The following SCNN1G variants were observed in gnomAD, a reference collection of about 807,000 sequenced individuals.
SCNN1G encodes sodium channel epithelial 1 subunit gamma, also known as epithelial sodium channel subunit gamma.
In SCNN1G, 27 loss-of-function variants were observed where a neutral mutation model predicts 64.6. The observed-to-expected ratio is 0.42, with a 90% CI of 0.31 to 0.58. The LOEUF (loss-of-function observed/expected upper bound fraction) is 0.58. SCNN1G is among the 20% of genes least tolerant of loss of function. The probability of loss-of-function intolerance (pLI) is 0.18; values close to 1 mark genes in which losing one functional copy is unlikely to be tolerated. For synonymous variants in SCNN1G, 330 were observed against 314.2 expected, an observed-to-expected ratio of 1.05 and a Z score of -0.53; for missense variants, 743 against 823.4, an observed-to-expected ratio of 0.90 and a Z score of 1.19.
At position 23,215,375 on chromosome 16, in the gene SCNN1G, T is replaced by A. The variant is rs1430760332; in HGVS notation, c.1856T>A (p.Val619Glu). ...LHLPPALGTQ[V>E]PGTPPPKYNT... is the part of the protein sequence containing the mutation. ...CTGCCTCCAGCCCTAGGAACCCAAG[T>A]GCCCGGCACACCGCCCCCCAAATAC... is the stretch of plus-strand genomic sequence containing the variant. Residue 619 changes from valine (V) to glutamate (E), a missense_variant, in exon 13 of 13, where the codon GTG (valine) becomes GAG (glutamate). Coordinates refer to ENST00000300061, the MANE Select transcript of SCNN1G (RefSeq NM_001039.4). The A allele has an allele frequency of 6.2e-7, 1 of 1,614,126 alleles. No homozygotes were observed. The highest frequency in any genetic ancestry group is 2.2e-5 in the East Asian group (1 of 44,858).
At chr16:23,192,870 A>G (rs944368958) in intron 4 of SCNN1G, among the ~76,000 whole-genome samples, 4 of 151,718 alleles carry the variant, frequency 2.6e-5, no homozygotes, top group Admixed American at 6.6e-5. Context: ...GGAGTTCAAG[A>G]CCAGCCTGGC....
intron 6 of SCNN1G, among the ~76,000 whole-genome samples, chr16:23,208,932 G>C (rs776563899): frequency 1.3e-5 from 2 of 151,772 alleles, no homozygotes; most frequent in African/African-American, 4.8e-5. Flanking sequence ...CTCCTCCCAC[G>C]TCCCAGTGGA....
At chr16:23,189,347 G>C in intron 2 of SCNN1G, 24 bp from the exon 3 acceptor site, 1 of 1,611,368 alleles carries the variant, frequency 6.2e-7, no homozygotes, top group Non-Finnish European at 8.5e-7. Flanking sequence ...CCCTCTCCCT[G>C]ACTTTTCCTC....
At chr16:23,204,310 T>TATATATATATACAC (rs1959945557) in intron 6 of SCNN1G, among the ~76,000 whole-genome samples, 2 of 75,596 alleles carry the variant, frequency 2.6e-5, no homozygotes, top group African/African-American at 4.9e-5. Flanking sequence ...TATATATATA[T>TATATATATATACAC]ATATATATAT....
At chr16:23,184,091 A>T (rs1038930684) in intron 1 of SCNN1G, among the ~76,000 whole-genome samples, 2 of 152,208 alleles carry the variant, frequency 1.3e-5, no homozygotes, top group African/African-American at 4.8e-5. Flanking sequence ...AGGCTGCATA[A>T]TCTAATGGTA....
chr16:23,205,869 G>T (rs1959981993), intron 6 of SCNN1G, among the ~76,000 whole-genome samples: 1 of 152,120 alleles, frequency 6.6e-6, no homozygotes. Context: ...GGAAAGAAAA[G>T]CCCCCCACCC....
In SCNN1G at chr16:23,189,443, C is replaced by T; in HGVS notation, c.390C>T (p.Gly130=). The T allele has an allele frequency of 6.2e-7, 1 of 1,614,180 alleles. No individual in the cohort carries two copies. The highest frequency in any genetic ancestry group is 8.5e-7 in the Non-Finnish European group (1 of 1,180,026). The change falls in exon 3 of 13, where the codon GGC becomes GGT. Residue 130 remains glycine, a synonymous_variant. Coordinates refer to ENST00000300061, the MANE Select transcript of SCNN1G (RefSeq NM_001039.4). ...ETREALKSLY[G]FPESRKRREA... is the part of the protein sequence containing the mutation. ...GAGAGGCCCTGAAGTCCCTGTATGG[C>T]TTTCCAGAGTCCCGGAAGCGCCGAG... is the stretch of plus-strand genomic sequence containing the variant.
At chr16:23,214,659 T>A in intron 11 of SCNN1G, 53 bp from the exon 12 acceptor site, 1 of 1,397,176 alleles carries the variant, frequency 7.2e-7, no homozygotes, top group Non-Finnish European at 1.0e-6. Flanking sequence ...TGCTGAGGAC[T>A]GGTAATCTGG....
intron 1 of SCNN1G, 50 bp downstream of exon 1, chr16:23,182,863 G>C (rs982532201): frequency 6.6e-6 from 1 of 152,470 alleles, no homozygotes; most frequent in Non-Finnish European, 1.5e-5. Context: ...CTGGGCACTG[G>C]AGCGGATGCC....
At chr16:23,188,928 C>A (rs1305415225) in intron 2 of SCNN1G, among the ~76,000 whole-genome samples, 8 of 152,120 alleles carry the variant, frequency 5.3e-5, no homozygotes, top group Admixed American at 3.3e-4. Context: ...TCCTTCCCCC[C>A]AGCACAGATT....
At position 23,192,613 on chromosome 16, in the gene SCNN1G, C is replaced by T. The variant is rs72646502; in HGVS notation, c.809+71C>T. On this transcript the variant is annotated intron_variant, in intron 4 of 12. Coordinates refer to ENST00000300061, the MANE Select transcript of SCNN1G (RefSeq NM_001039.4). Reference sequence around the variant, plus strand: ...CTGAGTACCAGGCCCCTTGCAGGAACCTACAGCCTTGATGATAGGTCTTGG... The same window carrying T: ...CTGAGTACCAGGCCCCTTGCAGGAATCTACAGCCTTGATGATAGGTCTTGG... The T allele has an allele frequency of 2.7e-3, 3,449 of 1,285,854 alleles. 9 individuals are homozygous for T. Among genetic ancestry groups the T allele is most frequent in the Middle Eastern group, 7.9e-3 (31 of 3,900 alleles). 79.7% of individuals were successfully genotyped at this position (1,285,854 alleles called of 1,614,324 possible). A position where few individuals can be genotyped will look rare whatever the true frequency, so the allele number is the denominator to read the frequency against.
At chr16:23,183,709 G>C (rs939070451) in intron 1 of SCNN1G, among the ~76,000 whole-genome samples, 1 of 152,180 alleles carries the variant, frequency 6.6e-6, no homozygotes, top group Non-Finnish European at 1.5e-5. Context: ...CTGTAGTGAG[G>C]ATTAAATCAG....
intron 6 of SCNN1G, among the ~76,000 whole-genome samples, chr16:23,198,598 C>T (rs1362050879): frequency 6.6e-6 from 1 of 151,070 alleles, no homozygotes; most frequent in Non-Finnish European, 1.5e-5. Context: ...AATCACCAGG[C>T]ATGGTGGCAC....
rs762925432 is a variant in SCNN1G, at chr16:23,186,526, C to A, written c.255C>A (p.Ile85=). ...VFSFYTVSVS[I]KVHFRKLDFP... Reference sequence around the variant, plus strand: ...CCTTCTATACTGTCTCAGTTTCCATCAAAGTCCACTTCCGGAAGCTGGATT... The same window carrying A: ...CCTTCTATACTGTCTCAGTTTCCATAAAAGTCCACTTCCGGAAGCTGGATT... The change falls in exon 2 of 13, where the codon ATC becomes ATA. Residue 85 remains isoleucine, a synonymous_variant. Transcript: ENST00000300061. The A allele has an allele frequency of 1.2e-6, 2 of 1,613,874 alleles. No individual in the cohort carries two copies. Among genetic ancestry groups the A allele is most frequent in the Admixed American group, 1.7e-5 (1 of 60,008 alleles).
At chr16:23,190,347 C>A (rs1359525703) in intron 3 of SCNN1G, among the ~76,000 whole-genome samples, 2 of 150,314 alleles carry the variant, frequency 1.3e-5, no homozygotes, top group East Asian at 3.9e-4. Context: ...ACAACTGAAA[C>A]TGATTCAGGT....
intron 1 of SCNN1G, among the ~76,000 whole-genome samples, chr16:23,183,804 C>A (rs1208960472): frequency 6.6e-6 from 1 of 152,156 alleles, no homozygotes; most frequent in Non-Finnish European, 1.5e-5. Context: ...GCTGCTTTCC[C>A]TGCTGCTGTT....
intron 6 of SCNN1G, among the ~76,000 whole-genome samples, chr16:23,204,330 TATATAGAGAGAGAG>T (rs1262412815): frequency 2.9e-5 from 1 of 34,480 alleles, no homozygotes; most frequent in East Asian, 9.9e-4. Flanking sequence ...TATATATATA[TATATAGAGAGAGAG>T]AGAGAGAGAG....
At chr16:23,190,326 T>C (rs1042400836) in intron 3 of SCNN1G, among the ~76,000 whole-genome samples, 4 of 149,478 alleles carry the variant, frequency 2.7e-5, no homozygotes, top group South Asian at 2.2e-4. Flanking sequence ...GCTGGGATGA[T>C]TCAGCTGCAA....
At chr16:23,210,715 A>G (rs909702154) in intron 7 of SCNN1G, among the ~76,000 whole-genome samples, 1 of 152,190 alleles carries the variant, frequency 6.6e-6, no homozygotes, top group Non-Finnish European at 1.5e-5. Context: ...CTGAGCTGAG[A>G]GGTGGTGTAG....
Sources: allele counts gnomAD v4.1 joint callset (sites outside exome capture counted in the v4.1 genomes callset), GRCh38; gene constraint gnomAD v4.1.1; transcripts MANE v1.5; gene names NCBI Gene and HGNC (gene_info 2026-07-23, HGNC 2026-07-21).